ADK: variants seen among roughly 807,000 people sequenced by gnomAD.
The protein encoded by ADK is adenosine kinase.
In ADK, 24 loss-of-function variants were observed where a neutral mutation model predicts 44.7. That is an observed-to-expected ratio of 0.54 (90% CI 0.39 to 0.76). ADK has a LOEUF of 0.76. ADK is among the 30% of genes least tolerant of loss of function. The pLI is 0.00. For missense variants in ADK, 321 were observed against 425.1 expected (o/e 0.76, Z 2.15); for synonymous variants, 128 against 142.6 (o/e 0.90, Z 0.73).
chr10:74,171,571 T>C (rs1439711485), intron 1 of ADK, among the ~76,000 whole-genome samples: 1 of 152,200 alleles, frequency 6.6e-6, no homozygotes, highest in Non-Finnish European at 1.5e-5. Flanking sequence ...TATTTACATA[T>C]CAGTCTTACG....
At chr10:74,222,604 A>C (rs1021746102) in intron 2 of ADK, among the ~76,000 whole-genome samples, 16 of 152,316 alleles carry the variant, frequency 1.1e-4, no homozygotes, top group African/African-American at 2.4e-5. Context: ...AAGACTTGGA[A>C]CCAACCCAAA....
intron 2 of ADK, among the ~76,000 whole-genome samples, chr10:74,216,156 G>A (rs1349420635): frequency 6.6e-6 from 1 of 151,682 alleles, no homozygotes; most frequent in Admixed American, 6.6e-5. Context: ...GTTATATTTT[G>A]CCTGTAACAT....
At chr10:74,304,257 G>C (rs1840174733) in intron 3 of ADK, among the ~76,000 whole-genome samples, 1 of 151,332 alleles carries the variant, frequency 6.6e-6, no homozygotes, top group Non-Finnish European at 1.5e-5. Context: ...TTTTTTTTAA[G>C]GTGGTAGCCC....
chr10:74,432,589 T>C (rs893375859), intron 6 of ADK, among the ~76,000 whole-genome samples: 9 of 152,222 alleles, frequency 5.9e-5, no homozygotes, highest in Non-Finnish European at 1.3e-4. Context: ...GTTCTTTCTT[T>C]CTTCATCAGT....
Position 74,300,350 on chromosome 10 carries a change from C to T in ADK, c.195-14317C>T, listed in dbSNP as rs546631651. On this transcript the variant is annotated intron_variant, in intron 3 of 10. Coordinates refer to ENST00000539909, the MANE Select transcript of ADK (RefSeq NM_006721.4). Reference sequence around the variant, plus strand: ...TCCTTCCTTCCTTCCTTCCTTCCTTCCTTCCTTCCTTTCTTTCTTTCTTCT... The same window carrying T: ...TCCTTCCTTCCTTCCTTCCTTCCTTTCTTCCTTCCTTTCTTTCTTTCTTCT... 9.3e-5 allele frequency among the ~76,000 whole-genome samples: 6 copies of T among 64,452 alleles called. No individual in the cohort carries two copies. In the South Asian group the frequency reaches 1.2e-3, roughly 13 times the overall value. 42.3% of individuals were successfully genotyped at this position (64,452 alleles called of 152,430 possible). A position where few individuals can be genotyped will look rare whatever the true frequency, so the allele number is the denominator to read the frequency against.
At chr10:74,700,444 C>T (rs1397800832) in intron 10 of ADK, among the ~76,000 whole-genome samples, 3 of 152,090 alleles carry the variant, frequency 2.0e-5, no homozygotes, top group African/African-American at 4.8e-5. Flanking sequence ...GATTTCACCA[C>T]GTTGGCCAGG....
At chr10:74,192,486 A>G (rs11000913) in intron 1 of ADK, among the ~76,000 whole-genome samples, 8,622 of 150,900 alleles carry the variant, frequency 0.057, 867 homozygotes, top group African/African-American at 0.2. Flanking sequence ...TCGGCCTCCC[A>G]AAGTGCTGGG....
chr10:74,700,809 T>C (rs528990213), intron 10 of ADK, among the ~76,000 whole-genome samples: 1 of 152,294 alleles, frequency 6.6e-6, no homozygotes, highest in South Asian at 2.1e-4. Context: ...ATTTTTACTT[T>C]TAGAAACATG....
At chr10:74,406,624 T>C (rs1843944780) in intron 6 of ADK, among the ~76,000 whole-genome samples, 1 of 151,780 alleles carries the variant, frequency 6.6e-6, no homozygotes, top group South Asian at 2.1e-4. Flanking sequence ...TTTGTTTTTC[T>C]ATCTGTTCTT....
chr10:74,365,855 T>C (rs569881938), intron 4 of ADK, among the ~76,000 whole-genome samples: 1 of 152,332 alleles, frequency 6.6e-6, no homozygotes, highest in East Asian at 1.9e-4. Flanking sequence ...TTTGTGTACA[T>C]CCTCACTAAC....
At chr10:74,415,501 T>C (rs1844338284) in intron 6 of ADK, among the ~76,000 whole-genome samples, 1 of 152,196 alleles carries the variant, frequency 6.6e-6, no homozygotes, top group Non-Finnish European at 1.5e-5. Flanking sequence ...ACTGAAGATA[T>C]TATAGAATCT....
Position 74,267,800 on chromosome 10 carries a change from G to A in ADK, c.194+43209G>A, listed in dbSNP as rs984128720. Among the ~76,000 whole-genome samples the A allele has an allele frequency of 2.0e-5, 3 of 151,022 alleles. No individual in the cohort carries two copies. The South Asian group carries it at 6.3e-4, about 32-fold the overall frequency. On this transcript the variant is annotated intron_variant, in intron 3 of 10. Coordinates refer to ENST00000539909, the MANE Select transcript of ADK (RefSeq NM_006721.4). ...TGTGTGTGTGTGTGTGTGTCTGTCTGTCTGTTTTAGTGGCTCTAAAAACAG... is the reference window on the plus strand; with the variant it reads ...TGTGTGTGTGTGTGTGTGTCTGTCTATCTGTTTTAGTGGCTCTAAAAACAG...
chr10:74,436,113 T>C (rs1845171258), intron 6 of ADK, among the ~76,000 whole-genome samples: 2 of 152,174 alleles, frequency 1.3e-5, no homozygotes, highest in South Asian at 4.1e-4. Flanking sequence ...CTATGACTTA[T>C]TAGAATGTAA....
intron 6 of ADK, among the ~76,000 whole-genome samples, chr10:74,512,818 ATTCTT>A (rs2133532992): frequency 1.3e-5 from 2 of 151,144 alleles, no homozygotes; most frequent in East Asian, 3.9e-4. Flanking sequence ...GGTTTAGTTT[ATTCTT>A]TTCTAGTTCT....
intron 7 of ADK, among the ~76,000 whole-genome samples, chr10:74,576,500 T>C: frequency 6.6e-6 from 1 of 152,114 alleles, no homozygotes; most frequent in East Asian, 1.9e-4. Context: ...CTTAAATAAA[T>C]ATTTCTAAAT....
intron 6 of ADK, among the ~76,000 whole-genome samples, chr10:74,468,688 C>T (rs1268556695): frequency 2.0e-5 from 3 of 152,118 alleles, no homozygotes; most frequent in Non-Finnish European, 4.4e-5. Flanking sequence ...TCTCTAAAGT[C>T]TATCCAGATC....
At chr10:74,287,876 G>A (rs1488724467) in intron 3 of ADK, among the ~76,000 whole-genome samples, 3 of 151,282 alleles carry the variant, frequency 2.0e-5, no homozygotes, top group South Asian at 2.1e-4. Context: ...CAGCTACTCA[G>A]GAAGCTATAG....
At chr10:74,296,375 G>A (rs886457959) in intron 3 of ADK, among the ~76,000 whole-genome samples, 1 of 151,992 alleles carries the variant, frequency 6.6e-6, no homozygotes, top group African/African-American at 2.4e-5. Flanking sequence ...TTGATGTGTA[G>A]AAAAGTTAAT....
intron 7 of ADK, among the ~76,000 whole-genome samples, chr10:74,546,936 G>A (rs1057450368): frequency 2.6e-5 from 4 of 151,984 alleles, no homozygotes; most frequent in African/African-American, 9.7e-5. Context: ...ACATGCAAAA[G>A]AAAAAATTAA....
Sources: allele counts gnomAD v4.1 joint callset (sites outside exome capture counted in the v4.1 genomes callset), GRCh38; gene constraint gnomAD v4.1.1; transcripts MANE v1.5; gene names NCBI Gene and HGNC (gene_info 2026-07-23, HGNC 2026-07-21).